IFT140: variants seen among roughly 807,000 people sequenced by gnomAD.
IFT140 encodes the protein intraflagellar transport protein 140 homolog.
Under a neutral mutation model 164.6 loss-of-function variants are expected in IFT140, and 133 were observed. The ratio of observed to expected loss-of-function variants is 0.81; its 90% CI spans 0.70 to 0.93. IFT140 has a LOEUF of 0.93. Among genes scored for constraint, IFT140 ranks in the 40% least tolerant of loss-of-function variants. IFT140 has a pLI of 0.00. For missense variants in IFT140, 2,045 were observed against 1,972.3 expected (o/e 1.04, Z -0.70); for synonymous variants, 860 against 817.3 (o/e 1.05, Z -0.89).
intron 19 of IFT140, among the ~76,000 whole-genome samples, chr16:1,547,951 AAGGTGTGGG>A (rs2032310719): frequency 1.3e-5 from 2 of 152,206 alleles, no homozygotes; most frequent in Non-Finnish European, 2.9e-5. Flanking sequence ...TGCTAGGATG[AAGGTGTGGG>A]CCACTGCAAT....
In IFT140 at chr16:1,594,596, G is replaced by A. The variant is rs115682330; in HGVS notation, c.370-2008C>T. Reference sequence around the variant, plus strand: ...CCACGGTTGTTTCCTGGAGAATGGGGTAAGAAGTGAAGTCCTCGTGCTTGG... The same window carrying A: ...CCACGGTTGTTTCCTGGAGAATGGGATAAGAAGTGAAGTCCTCGTGCTTGG... On this transcript the variant is annotated intron_variant, in intron 4 of 30. Coordinates refer to ENST00000426508, the MANE Select transcript of IFT140 (RefSeq NM_014714.4). 3.9e-3 allele frequency among the ~76,000 whole-genome samples: 592 copies of A among 152,320 alleles called. 8 individuals are homozygous for A. The highest frequency in any genetic ancestry group is 0.014 in the African/African-American group (564 of 41,568).
At chr16:1,546,578 G>A (rs2032191674) in intron 19 of IFT140, among the ~76,000 whole-genome samples, 1 of 152,216 alleles carries the variant, frequency 6.6e-6, no homozygotes, top group African/African-American at 2.4e-5. Context: ...AGAAGCTTCA[G>A]GCCCGAGGCG....
chr16:1,597,229 C>G (rs1029095016), intron 4 of IFT140, among the ~76,000 whole-genome samples: 1 of 152,154 alleles, frequency 6.6e-6, no homozygotes, highest in Admixed American at 6.5e-5. Context: ...TGGCCTGGCC[C>G]GTCTAACGTG....
intron 9 of IFT140, 130 bp downstream of exon 9, chr16:1,587,068 T>A: frequency 1.5e-6 from 1 of 679,140 alleles, no homozygotes; most frequent in Non-Finnish European, 2.6e-6. Flanking sequence ...GCCCGACTAT[T>A]TGAATGGCTG....
Position 1,510,829 on chromosome 16 carries a change from A to T in IFT140, c.*115T>A. 1 of 990,328 alleles carries T rather than the reference A, an allele frequency of 1.0e-6. No individual in the cohort carries two copies. The highest frequency in any genetic ancestry group is 1.5e-6 in the Non-Finnish European group (1 of 649,592). 61.3% of individuals were successfully genotyped at this position (990,328 alleles called of 1,614,324 possible). A position where few individuals can be genotyped will look rare whatever the true frequency, so the allele number is the denominator to read the frequency against. On this transcript the variant is annotated 3_prime_UTR_variant, in exon 31 of 31. Transcript: ENST00000426508. ...GCGTTCTCGCCCAGCTCTGTCGCGTATTCCAACACAGACATGTTTTTTCCC... is the reference window on the plus strand; with the variant it reads ...GCGTTCTCGCCCAGCTCTGTCGCGTTTTCCAACACAGACATGTTTTTTCCC...
Position 1,587,965 on chromosome 16 carries a change from A to G in IFT140, c.870T>C (p.Leu290=). The change falls in exon 8 of 31, where the codon CTT becomes CTC. Residue 290 remains leucine, a synonymous_variant. Coordinates refer to ENST00000426508, the MANE Select transcript of IFT140 (RefSeq NM_014714.4). The stretch of plus-strand genomic sequence containing the variant: ...CAGCCTCCCCGACGGCCATCACGAG[A>G]AGGCTGCCTTCAATCAAAGCGATGT... The part of the protein sequence containing the change: ...RADIALIEGS[L]LVMAVGEAAL... The G allele has an allele frequency of 6.2e-7, 1 of 1,613,518 alleles. No individual in the cohort carries two copies. The highest frequency in any genetic ancestry group is 8.5e-7 in the Non-Finnish European group (1 of 1,179,712).
chr16:1,587,391 T>A, intron 8 of IFT140, 87 bp from the exon 9 acceptor site: 1 of 804,466 alleles, frequency 1.2e-6, no homozygotes, highest in Non-Finnish European at 2.1e-6. Context: ...GAGCAAACAT[T>A]AAAAGTCAGG....
At chr16:1,552,782 G>A (rs1227527612) in intron 19 of IFT140, 1 of 163,662 alleles carries the variant, frequency 6.1e-6, no homozygotes, top group Non-Finnish European at 1.3e-5. Context: ...TGAGTAACTG[G>A]GATTACAGGT....
At chr16:1,544,750 G>A (rs1222077820) in intron 19 of IFT140, among the ~76,000 whole-genome samples, 2 of 151,732 alleles carry the variant, frequency 1.3e-5, no homozygotes, top group Non-Finnish European at 1.5e-5. Flanking sequence ...CCGGGTTCAC[G>A]CCATTCTCCT....
chr16:1,519,901 C>A lies in IFT140; in HGVS notation c.4020G>T (p.Lys1340Asn). 6.4e-7 allele frequency: 1 copy of A among 1,567,044 alleles called. No individual in the cohort carries two copies. Reference sequence around the variant, plus strand: ...CACACCTGCGGGCCTGGATGAACCTCTTCACCAGTGCCATCCTGCTCTGCA... The same window carrying A: ...CACACCTGCGGGCCTGGATGAACCTATTCACCAGTGCCATCCTGCTCTGCA... ...AQLQSRMALV[K>N]RFIQARRTYT... Residue 1340 changes from lysine to asparagine, a missense_variant, in exon 29 of 31, where the codon AAG becomes AAT. Coordinates refer to ENST00000426508, the MANE Select transcript of IFT140 (RefSeq NM_014714.4).
intron 30 of IFT140, among the ~76,000 whole-genome samples, chr16:1,516,645 C>G (rs888081572): frequency 6.6e-6 from 1 of 151,672 alleles, no homozygotes; most frequent in Non-Finnish European, 1.5e-5. Flanking sequence ...TGGCGGGCGC[C>G]TGTAGTCCCA....
chr16:1,559,549 G>A (rs2033292900), intron 18 of IFT140, among the ~76,000 whole-genome samples: 1 of 152,226 alleles, frequency 6.6e-6, no homozygotes. Flanking sequence ...GTCCTCACTA[G>A]ACTTGAATGG....
At chr16:1,525,384 G>A (rs771114711) in intron 21 of IFT140, 58 bp from the exon 22 acceptor site, 249 of 1,383,572 alleles carry the variant, frequency 1.8e-4, no homozygotes, top group Non-Finnish European at 2.3e-4. Context: ...CACGGGAACC[G>A]GGTGGGCTGA....
chr16:1,541,557 G>T, intron 19 of IFT140: 1 of 961,978 alleles, frequency 1.0e-6, no homozygotes, highest in South Asian at 4.8e-5. Context: ...GTTGCTGGTG[G>T]GCTTCCCCTT....
At chr16:1,593,745 A>G (rs1596442680) in intron 4 of IFT140, among the ~76,000 whole-genome samples, 1 of 152,158 alleles carries the variant, frequency 6.6e-6, no homozygotes, top group African/African-American at 2.4e-5. Context: ...CCTTCTCTGC[A>G]TGCTGCCGGC....
intron 19 of IFT140, among the ~76,000 whole-genome samples, chr16:1,549,451 G>A (rs1207955380): frequency 6.6e-6 from 1 of 152,218 alleles, no homozygotes; most frequent in Non-Finnish European, 1.5e-5. Flanking sequence ...TTTGAGACTG[G>A]CTTTCGCTCT....
chr16:1,606,601 C>G (rs538225119), intron 3 of IFT140, among the ~76,000 whole-genome samples: 2 of 152,214 alleles, frequency 1.3e-5, no homozygotes, highest in African/African-American at 2.4e-5. Context: ...GCTGGGATTA[C>G]AAGCATGAGC....
chr16:1,586,461 G>A (rs541040687), intron 9 of IFT140, among the ~76,000 whole-genome samples, 186 bp from the exon 10 acceptor site: 13 of 152,166 alleles, frequency 8.5e-5, no homozygotes, highest in Non-Finnish European at 1.6e-4. Context: ...GTGCCAGTGC[G>A]GGGGTGGTGG....
intron 19 of IFT140, among the ~76,000 whole-genome samples, chr16:1,546,652 G>A (rs1376045786): frequency 1.3e-5 from 2 of 152,204 alleles, no homozygotes; most frequent in African/African-American, 2.4e-5. Context: ...CCTCGGGGGC[G>A]CAAACTGTCC....
Sources: allele counts gnomAD v4.1 joint callset (sites outside exome capture counted in the v4.1 genomes callset), GRCh38; gene constraint gnomAD v4.1.1; transcripts MANE v1.5; gene names NCBI Gene and HGNC (gene_info 2026-07-23, HGNC 2026-07-21).